THSD7B: variants seen among roughly 807,000 people sequenced by gnomAD.
THSD7B encodes thrombospondin type-1 domain-containing protein 7B.
THSD7B carries 138 observed loss-of-function variants against 213.6 expected under a neutral mutation model. That is an observed-to-expected ratio of 0.65 (90% CI 0.56 to 0.74). THSD7B has a LOEUF of 0.74. THSD7B is among the 30% of genes least tolerant of loss of function. The pLI, the probability that THSD7B is intolerant of heterozygous loss-of-function variation, is 0.00. For synonymous variants in THSD7B, 742 were observed against 687.0 expected (o/e 1.08, Z -1.25); for missense variants, 1,931 against 1,991.5 (o/e 0.97, Z 0.58).
intron 15 of THSD7B, among the ~76,000 whole-genome samples, chr2:137,515,162 C>T (rs569092770): frequency 7.2e-5 from 11 of 152,258 alleles, no homozygotes; most frequent in African/African-American, 1.7e-4. Flanking sequence ...TAGGACCCTG[C>T]GACTTGGAAT....
Position 137,455,886 on chromosome 2 carries a change from T to A in THSD7B, c.3138+4863T>A, listed in dbSNP as rs1342388677. 3.3e-5 allele frequency among the ~76,000 whole-genome samples: 5 copies of A among 152,212 alleles called. No individual in the cohort carries two copies. The East Asian group carries it at 9.6e-4, about 29-fold the overall frequency. On this transcript the variant is annotated intron_variant, in intron 15 of 27. Coordinates refer to ENST00000409968, the MANE Select transcript of THSD7B (RefSeq NM_001316349.2). ...TAATAGAAGATTAAATATGAGGACA[T>A]TAAAGCCCTGTTGGACTTACATTTC...
rs529419917 is a variant in THSD7B, at chr2:137,003,606, G to A, written c.140-52814G>A. ...GCGAGAAATGGTTCCTTCTCTTGTA[G>A]CACTGGGAAGATTCTGACTTCCATT... On this transcript the variant is annotated intron_variant, in intron 2 of 27. Transcript: ENST00000409968. 4.6e-5 allele frequency among the ~76,000 whole-genome samples: 7 copies of A among 152,244 alleles called. No individual in the cohort carries two copies. In the South Asian group the frequency reaches 1.5e-3, roughly 32 times the overall value.
chr2:137,557,764 A>G (rs1230892694), intron 15 of THSD7B, among the ~76,000 whole-genome samples: 2 of 152,196 alleles, frequency 1.3e-5, no homozygotes, highest in East Asian at 1.9e-4. Flanking sequence ...CAAAAAAACA[A>G]TGAATCCAGG....
In THSD7B at chr2:137,451,886, G is replaced by A. The variant is rs74418289; in HGVS notation, c.3138+863G>A. The stretch of plus-strand genomic sequence containing the variant: ...TGAGTTGGTAGATCCTCTGTAATTG[G>A]GAAACTTAACAGAATAGCTACACAT... On this transcript the variant is annotated intron_variant, in intron 15 of 27. Coordinates refer to ENST00000409968, the MANE Select transcript of THSD7B (RefSeq NM_001316349.2). 1.6e-3 allele frequency among the ~76,000 whole-genome samples: 250 copies of A among 151,936 alleles called. 2 individuals are homozygous for A. Among genetic ancestry groups the A allele is most frequent in the African/African-American group, 5.9e-3 (244 of 41,488 alleles).
chr2:136,802,639 T>TTACA (rs1553449355), intron 1 of THSD7B, among the ~76,000 whole-genome samples: 1 of 57,362 alleles, frequency 1.7e-5, no homozygotes, highest in Non-Finnish European at 3.9e-5. Context: ...TGAATTAAGT[T>TTACA]TATATATATA....
At chr2:137,524,144 A>G (rs1680236135) in intron 15 of THSD7B, among the ~76,000 whole-genome samples, 1 of 152,120 alleles carries the variant, frequency 6.6e-6, no homozygotes, top group African/African-American at 2.4e-5. Flanking sequence ...CAAAATGTCA[A>G]AAGGGTTGGC....
In THSD7B at chr2:136,962,380, C is replaced by T. The variant is rs191308267; in HGVS notation, c.139+80063C>T. 2.0e-4 allele frequency among the ~76,000 whole-genome samples: 28 copies of T among 141,628 alleles called. No homozygotes were observed. The East Asian group carries it at 5.7e-3, about 29-fold the overall frequency. 92.9% of individuals were successfully genotyped at this position (141,628 alleles called of 152,430 possible). ...GTTTACAGAGGCAATAGGAAAGTAA[C>T]ACACTATACATAAATCTGTTATCTT... On this transcript the variant is annotated intron_variant, in intron 2 of 27. Transcript: ENST00000409968.
chr2:137,675,173 A>AG (rs970704591), intron 27 of THSD7B, among the ~76,000 whole-genome samples: 10 of 152,004 alleles, frequency 6.6e-5, no homozygotes, highest in African/African-American at 2.2e-4. Flanking sequence ...GGCTGAGAGC[A>AG]GGGTGAAATG....
intron 12 of THSD7B, among the ~76,000 whole-genome samples, chr2:137,402,601 G>A (rs987007958): frequency 1.3e-5 from 2 of 152,024 alleles, no homozygotes; most frequent in Admixed American, 6.6e-5. Flanking sequence ...CAGATCACTT[G>A]AGGTCAAGTG....
At chr2:136,810,437 C>T (rs1020704259) in intron 1 of THSD7B, among the ~76,000 whole-genome samples, 8 of 152,328 alleles carry the variant, frequency 5.3e-5, no homozygotes, top group South Asian at 2.1e-4. Flanking sequence ...TGCCAGTCCC[C>T]AAACTGCATC....
At chr2:136,796,481 A>G (rs2710189) in intron 1 of THSD7B, among the ~76,000 whole-genome samples, 109,272 of 151,836 alleles carry the variant, frequency 0.72, 39,699 homozygotes, top group East Asian at 0.99. Context: ...GTTTTCTTTC[A>G]AAACTAGACT....
At chr2:136,792,324 CA>C (rs1316655900) in intron 1 of THSD7B, among the ~76,000 whole-genome samples, 1 of 151,874 alleles carries the variant, frequency 6.6e-6, no homozygotes, top group Non-Finnish European at 1.5e-5. Context: ...ACTATGGAAA[CA>C]GTGAAAAGAT....
intron 17 of THSD7B, among the ~76,000 whole-genome samples, chr2:137,581,700 C>A: frequency 6.7e-6 from 1 of 148,644 alleles, no homozygotes; most frequent in African/African-American, 2.5e-5. Flanking sequence ...GCGGAGCTTG[C>A]AGTGAGCCGA....
chr2:137,498,366 TATC>T (rs1679621757), intron 15 of THSD7B, among the ~76,000 whole-genome samples: 2 of 152,036 alleles, frequency 1.3e-5, no homozygotes, highest in Admixed American at 1.3e-4. Context: ...GAAAGTATAT[TATC>T]ATGATTTAGA....
intron 16 of THSD7B, 53 bp downstream of exon 16, chr2:137,563,407 T>G: frequency 6.3e-7 from 1 of 1,598,036 alleles, no homozygotes; most frequent in Non-Finnish European, 8.5e-7. Flanking sequence ...ACTTATACAT[T>G]TTTTATAAAA....
At chr2:136,825,204 A>T (rs1434471192) in intron 1 of THSD7B, among the ~76,000 whole-genome samples, 5 of 152,252 alleles carry the variant, frequency 3.3e-5, no homozygotes, top group Non-Finnish European at 5.9e-5. Context: ...AGAAAGGGAA[A>T]CAAGGTAGTC....
rs1683393178 is a variant in THSD7B, at chr2:137,663,573, C to T, written c.4649C>T (p.Pro1550Leu). The change falls in exon 26 of 28, where the codon CCA becomes CTA. Residue 1550 changes from proline to leucine, a missense_variant and splice_region_variant. Physicochemically the swap from Pro to Leu is moderately conservative, Grantham distance 98. Transcript: ENST00000409968. ...GGATGGTCTCTTCAACCACTTGATC[C>T]AGGTGAGTTTCAGTTGTGAGTAAGA... Reference protein sequence around the residue: ...FKGWSLQPLDPDGRVKIWVYG... With the variant: ...FKGWSLQPLDLDGRVKIWVYG... 6.2e-7 allele frequency: 1 copy of T among 1,602,154 alleles called. No individual in the cohort carries two copies.
intron 12 of THSD7B, among the ~76,000 whole-genome samples, chr2:137,281,041 G>A (rs1682996208): frequency 6.6e-6 from 1 of 152,114 alleles, no homozygotes; most frequent in Non-Finnish European, 1.5e-5. Context: ...TGGATACAGA[G>A]TAGGTACTGG....
intron 17 of THSD7B, among the ~76,000 whole-genome samples, chr2:137,573,483 G>A (rs1441638405): frequency 6.6e-6 from 1 of 151,978 alleles, no homozygotes; most frequent in Admixed American, 6.6e-5. Context: ...TCCTGAAAGA[G>A]ATTTCACTCT....
Sources: allele counts gnomAD v4.1 joint callset (sites outside exome capture counted in the v4.1 genomes callset), GRCh38; gene constraint gnomAD v4.1.1; transcripts MANE v1.5; gene names NCBI Gene and HGNC (gene_info 2026-07-23, HGNC 2026-07-21).